Variants in FHIT observed in about 807,000 individuals in gnomAD.
The protein encoded by FHIT is bis(5'-adenosyl)-triphosphatase.
Under a neutral mutation model 17.9 loss-of-function variants are expected in FHIT, and 19 were observed. The ratio of observed to expected loss-of-function variants is 1.06; its 90% CI spans 0.74 to 1.56. The LOEUF is 1.56. Ranked by LOEUF, FHIT falls within the 40% of genes most tolerant of loss-of-function variation. The probability of loss-of-function intolerance (pLI) is 0.00; values close to 1 mark genes in which losing one functional copy is unlikely to be tolerated. For missense variants in FHIT, 248 were observed against 189.2 expected (o/e 1.31, Z -1.82); for synonymous variants, 81 against 69.7 (o/e 1.16, Z -0.81).
At chr3:60,296,685 T>A (rs974588674) in intron 5 of FHIT, among the ~76,000 whole-genome samples, 2 of 152,098 alleles carry the variant, frequency 1.3e-5, no homozygotes, top group Non-Finnish European at 2.9e-5. Flanking sequence ...TTTCCTTTTA[T>A]GGCTCATGCA....
At chr3:60,631,275 C>A (rs1553682379) in intron 4 of FHIT, among the ~76,000 whole-genome samples, 1 of 152,066 alleles carries the variant, frequency 6.6e-6, no homozygotes. Context: ...TTGTACTAGG[C>A]TGGGGAAGCC....
chr3:60,461,180 T>A (rs1362844420), intron 5 of FHIT, among the ~76,000 whole-genome samples: 1 of 152,200 alleles, frequency 6.6e-6, no homozygotes, highest in Non-Finnish European at 1.5e-5. Context: ...AAAACTCTGA[T>A]TATTTTATCA....
At chr3:60,177,665 T>C (rs1245904828) in intron 5 of FHIT, among the ~76,000 whole-genome samples, 1 of 152,206 alleles carries the variant, frequency 6.6e-6, no homozygotes, top group Non-Finnish European at 1.5e-5. Flanking sequence ...AATCACCTCC[T>C]ATGGTATTAC....
At chr3:61,104,029 G>A (rs562053702) in intron 2 of FHIT, among the ~76,000 whole-genome samples, 26 of 151,754 alleles carry the variant, frequency 1.7e-4, no homozygotes, top group East Asian at 3.9e-4. Flanking sequence ...CAATTTTCCC[G>A]TCTGTGTCTT....
chr3:60,068,148 A>G (rs1702601403), intron 5 of FHIT, among the ~76,000 whole-genome samples: 1 of 152,174 alleles, frequency 6.6e-6, no homozygotes, highest in Admixed American at 6.5e-5. Flanking sequence ...AGGCAGGAGA[A>G]TTCTTTGAAC....
intron 5 of FHIT, among the ~76,000 whole-genome samples, chr3:60,162,867 T>G (rs371673497): frequency 2.0e-5 from 3 of 152,170 alleles, no homozygotes; most frequent in Non-Finnish European, 4.4e-5. Flanking sequence ...AATTTTTGAC[T>G]AAGGTAAACA....
chr3:60,436,951 C>A (rs1446357077), intron 5 of FHIT, among the ~76,000 whole-genome samples: 1 of 152,108 alleles, frequency 6.6e-6, no homozygotes, highest in African/African-American at 2.4e-5. Flanking sequence ...TTAAACTACA[C>A]AGCCTACAGG....
chr3:60,502,933 G>C (rs1284737894), intron 5 of FHIT, among the ~76,000 whole-genome samples: 1 of 152,180 alleles, frequency 6.6e-6, no homozygotes, highest in African/African-American at 2.4e-5. Flanking sequence ...TATTTAGATG[G>C]TGACTGTGAC....
chr3:60,439,067 G>C (rs746831945), intron 5 of FHIT, among the ~76,000 whole-genome samples: 1 of 152,106 alleles, frequency 6.6e-6, no homozygotes, highest in African/African-American at 2.4e-5. Context: ...ATATTAGATG[G>C]AGAAATCTTT....
chr3:60,450,821 C>T lies in FHIT; in HGVS notation c.103+86039G>A, dbSNP rs1303282688. On this transcript the variant is annotated intron_variant, in intron 5 of 9. Coordinates refer to ENST00000492590, the MANE Select transcript of FHIT (RefSeq NM_002012.4). ...AAGAAGGAACCTGCTTGTAACGAGC[C>T]AGTGAAGGTATATACCAATTTAAGA... Among the ~76,000 whole-genome samples the T allele has an allele frequency of 2.6e-5, 4 of 152,212 alleles. 1 individual carries two copies. The highest frequency in any genetic ancestry group is 6.5e-5 in the Admixed American group (1 of 15,280).
intron 5 of FHIT, among the ~76,000 whole-genome samples, chr3:60,088,333 A>G (rs1703587421): frequency 6.6e-6 from 1 of 152,180 alleles, no homozygotes; most frequent in African/African-American, 2.4e-5. Flanking sequence ...TGATCCTTAG[A>G]AACACCACAT....
chr3:61,126,413 G>A (rs2036609291), intron 2 of FHIT, among the ~76,000 whole-genome samples: 1 of 152,154 alleles, frequency 6.6e-6, no homozygotes, highest in African/African-American at 2.4e-5. Context: ...CATGGTTGGG[G>A]AGGCCTCAGG....
At chr3:59,753,425 A>G (rs1175866220) in intron 8 of FHIT, among the ~76,000 whole-genome samples, 3 of 152,308 alleles carry the variant, frequency 2.0e-5, no homozygotes, top group Non-Finnish European at 2.9e-5. Context: ...TTTCAATTCT[A>G]TCAGAGAGGA....
intron 3 of FHIT, among the ~76,000 whole-genome samples, chr3:60,830,381 C>T (rs1315913289): frequency 2.0e-5 from 3 of 151,868 alleles, no homozygotes; most frequent in Non-Finnish European, 4.4e-5. Context: ...GTAAAGCAGC[C>T]CAATAACCAA....
At chr3:59,946,877 G>A (rs1486346620) in intron 7 of FHIT, among the ~76,000 whole-genome samples, 1 of 152,112 alleles carries the variant, frequency 6.6e-6, no homozygotes. Context: ...TGATCATAGT[G>A]GATTAGCTTT....
chr3:60,334,140 A>C (rs569039793), intron 5 of FHIT, among the ~76,000 whole-genome samples: 86 of 152,040 alleles, frequency 5.7e-4, no homozygotes, highest in African/African-American at 2.0e-3. Flanking sequence ...CCTAGACTGA[A>C]CCCCTGGTGT....
At chr3:60,195,502 C>A (rs1702587622) in intron 5 of FHIT, among the ~76,000 whole-genome samples, 1 of 143,314 alleles carries the variant, frequency 7.0e-6, no homozygotes, top group Non-Finnish European at 1.5e-5. Context: ...AGACGTGGAA[C>A]CAACCTAAGT....
intron 5 of FHIT, among the ~76,000 whole-genome samples, chr3:60,449,428 A>ACACACACT (rs59059963): frequency 4.1e-4 from 22 of 53,406 alleles, no homozygotes; most frequent in African/African-American, 1.0e-3. Context: ...ATATGCGCAT[A>ACACACACT]CACACACACA....
intron 8 of FHIT, among the ~76,000 whole-genome samples, chr3:59,777,793 C>T (rs1209943117): frequency 1.3e-5 from 2 of 152,134 alleles, no homozygotes; most frequent in Non-Finnish European, 2.9e-5. Flanking sequence ...GCTCCGGGCA[C>T]ACTGGCCTCC....
Sources: allele counts gnomAD v4.1 joint callset (sites outside exome capture counted in the v4.1 genomes callset), GRCh38; gene constraint gnomAD v4.1.1; transcripts MANE v1.5; gene names NCBI Gene and HGNC (gene_info 2026-07-23, HGNC 2026-07-21).